The following DSCAM variants were observed in gnomAD, a reference collection of about 807,000 sequenced individuals.
DSCAM encodes the protein cell adhesion molecule DSCAM.
In DSCAM, 47 loss-of-function variants were observed where a neutral mutation model predicts 217.7. That is an observed-to-expected ratio of 0.22 (90% CI 0.17 to 0.28). The LOEUF (loss-of-function observed/expected upper bound fraction) is 0.28, where lower values mean the gene tolerates loss of function less well. Ranked by LOEUF, DSCAM falls within the 10% of genes least tolerant of loss-of-function variation. The pLI is 1.00. For synonymous variants in DSCAM, 1,056 were observed against 1,015.3 expected, an observed-to-expected ratio of 1.04 and a Z score of -0.76; for missense variants, 2,080 against 2,618.3, an observed-to-expected ratio of 0.79 and a Z score of 4.49.
intron 3 of DSCAM, among the ~76,000 whole-genome samples, chr21:40,549,948 T>A (rs1024616924): frequency 6.6e-6 from 1 of 152,174 alleles, no homozygotes; most frequent in African/African-American, 2.4e-5. Context: ...AATGAAATAA[T>A]GAAAAGCTAA....
At chr21:40,139,568 G>A (rs2090263186) in intron 18 of DSCAM, among the ~76,000 whole-genome samples, 1 of 152,064 alleles carries the variant, frequency 6.6e-6, no homozygotes, top group Admixed American at 6.5e-5. Context: ...TGGGAGGCAG[G>A]TTGGCCCTGA....
chr21:40,040,351 A>G (rs527686260), intron 32 of DSCAM, among the ~76,000 whole-genome samples: 1 of 152,344 alleles, frequency 6.6e-6, no homozygotes, highest in East Asian at 1.9e-4. Context: ...TTAAGAAACA[A>G]TCCAACAATA....
At chr21:40,135,583 G>A (rs1291432574) in intron 18 of DSCAM, among the ~76,000 whole-genome samples, 1 of 152,136 alleles carries the variant, frequency 6.6e-6, no homozygotes, top group East Asian at 1.9e-4. Context: ...CCGTCGTGTC[G>A]GCCAGATTAA....
At chr21:40,196,429 C>T (rs183701138) in intron 11 of DSCAM, among the ~76,000 whole-genome samples, 4 of 152,208 alleles carry the variant, frequency 2.6e-5, no homozygotes, top group East Asian at 1.9e-4. Context: ...CCCCACCGCA[C>T]GTTGGCTCAG....
intron 3 of DSCAM, among the ~76,000 whole-genome samples, chr21:40,646,027 A>C (rs1224226304): frequency 6.6e-6 from 1 of 152,194 alleles, no homozygotes; most frequent in Non-Finnish European, 1.5e-5. Flanking sequence ...TGGAGGAGAT[A>C]AAGTACCACC....
intron 3 of DSCAM, among the ~76,000 whole-genome samples, chr21:40,427,599 T>C (rs1350962376): frequency 2.0e-5 from 3 of 152,226 alleles, no homozygotes; most frequent in African/African-American, 7.2e-5. Context: ...CTCAGCTCCC[T>C]TATTGCTACC....
At chr21:40,615,832 T>TA (rs1240525954) in intron 3 of DSCAM, among the ~76,000 whole-genome samples, 3 of 151,846 alleles carry the variant, frequency 2.0e-5, no homozygotes, top group Admixed American at 6.6e-5. Flanking sequence ...TCGGCTCTAT[T>TA]AAAAAAAGAA....
At chr21:40,648,550 C>A (rs2410263) in intron 3 of DSCAM, among the ~76,000 whole-genome samples, 57,718 of 151,792 alleles carry the variant, frequency 0.38, 11,809 homozygotes, top group East Asian at 0.6. Context: ...GATTGAGAAC[C>A]TGTCTTTCCA....
chr21:40,557,530 AT>A (rs1444432083), intron 3 of DSCAM, among the ~76,000 whole-genome samples: 1 of 140,496 alleles, frequency 7.1e-6, no homozygotes, highest in Non-Finnish European at 1.6e-5. Flanking sequence ...AATTTTTTGT[AT>A]TTTTAGTAGA....
chr21:40,023,415 C>G (rs1415550467), intron 32 of DSCAM, among the ~76,000 whole-genome samples: 3 of 151,722 alleles, frequency 2.0e-5, no homozygotes, highest in Non-Finnish European at 4.4e-5. Context: ...AATGGTATTT[C>G]TAGTTCTAGG....
In DSCAM at chr21:40,124,128, C is replaced by G. The variant is rs978227495; in HGVS notation, c.3696+67G>C. The G allele has an allele frequency of 2.5e-6, 4 of 1,601,756 alleles. No homozygotes were observed. In the African/African-American group the frequency reaches 5.4e-5, roughly 21 times the overall value. On this transcript the variant is annotated intron_variant, in intron 20 of 32. Transcript: ENST00000400454. ...TGGGAAACAAAGGAACGAAACTGTCCAGTGCGAGCACCTGCAGCTCGTCCC... is the reference window on the plus strand; with the variant it reads ...TGGGAAACAAAGGAACGAAACTGTCGAGTGCGAGCACCTGCAGCTCGTCCC...
chr21:40,164,802 A>AAAAT (rs78627938), intron 16 of DSCAM, among the ~76,000 whole-genome samples: 20,196 of 151,928 alleles, frequency 0.13, 1,396 homozygotes, highest in African/African-American at 0.13. Context: ...ACTCTGTCTC[A>AAAAT]AAATAAATAA....
intron 2 of DSCAM, among the ~76,000 whole-genome samples, chr21:40,698,062 T>C (rs1281330396): frequency 6.6e-6 from 1 of 152,228 alleles, no homozygotes; most frequent in East Asian, 1.9e-4. Context: ...ACTTTGTGGT[T>C]ACCATGAAGC....
chr21:40,515,479 T>G (rs993698223), intron 3 of DSCAM, among the ~76,000 whole-genome samples: 2 of 152,160 alleles, frequency 1.3e-5, no homozygotes, highest in African/African-American at 4.8e-5. Context: ...CCCAAAGGTT[T>G]CAACATTATC....
At chr21:40,394,240 C>T (rs1359160651) in intron 3 of DSCAM, among the ~76,000 whole-genome samples, 1 of 152,202 alleles carries the variant, frequency 6.6e-6, no homozygotes, top group Non-Finnish European at 1.5e-5. Flanking sequence ...TTGCTTACTA[C>T]AGTCCAGGCA....
At chr21:40,722,657 AGAT>A (rs1216695601) in intron 1 of DSCAM, among the ~76,000 whole-genome samples, 1 of 152,178 alleles carries the variant, frequency 6.6e-6, no homozygotes, top group Non-Finnish European at 1.5e-5. Flanking sequence ...GCAATTAGCA[AGAT>A]GATAGGTTTA....
intron 11 of DSCAM, among the ~76,000 whole-genome samples, chr21:40,208,930 A>G (rs2091154288): frequency 6.6e-6 from 1 of 152,228 alleles, no homozygotes; most frequent in African/African-American, 2.4e-5. Flanking sequence ...AAAAGCCCTC[A>G]AAACAAACAG....
chr21:40,328,629 A>T (rs1213953947), intron 8 of DSCAM, among the ~76,000 whole-genome samples: 1 of 152,264 alleles, frequency 6.6e-6, no homozygotes, highest in South Asian at 2.1e-4. Context: ...AAAATAGAAC[A>T]ATGGGATTAC....
Position 40,795,528 on chromosome 21 carries a change from G to A in DSCAM, c.43+51091C>T, listed in dbSNP as rs534889273. ...GGCAATTAGATAACAGTGAATGAGG[G>A]CGTCTATGAAGAGTGTACTCACAAA... On this transcript the variant is annotated intron_variant, in intron 1 of 32. Coordinates refer to ENST00000400454, the MANE Select transcript of DSCAM (RefSeq NM_001389.5). Among the ~76,000 whole-genome samples, 3 of 152,254 alleles carry A rather than the reference G, an allele frequency of 2.0e-5. No individual in the cohort carries two copies. The East Asian group carries it at 5.8e-4, about 29-fold the overall frequency.
Sources: gnomAD v4.1 joint callset for allele counts (sites outside exome capture counted in the v4.1 genomes callset) on GRCh38, gnomAD v4.1.1 for gene constraint, MANE v1.5 for transcripts, NCBI Gene and HGNC (gene_info 2026-07-23, HGNC 2026-07-21) for gene names.